LETM2: variants seen among roughly 807,000 people sequenced by gnomAD.
LETM2 encodes the protein leucine zipper and EF-hand containing transmembrane protein 2.
Under a neutral mutation model 59.6 loss-of-function variants are expected in LETM2, and 58 were observed. The ratio of observed to expected loss-of-function variants is 0.97; its 90% CI spans 0.79 to 1.21. The LOEUF (loss-of-function observed/expected upper bound fraction) is 1.21, where lower values mean the gene tolerates loss of function less well. Ranked by LOEUF, LETM2 falls within the 50% of genes most tolerant of loss-of-function variation. LETM2 has a pLI of 0.00. For synonymous variants in LETM2, 199 were observed against 214.1 expected, an observed-to-expected ratio of 0.93 and a Z score of 0.62; for missense variants, 572 against 575.7, an observed-to-expected ratio of 0.99 and a Z score of 0.07.
chr8:38,406,772 T>C (rs1354478729), intron 8 of LETM2, 174 bp from the exon 9 acceptor site: 1 of 505,748 alleles, frequency 2.0e-6, no homozygotes, highest in Non-Finnish European at 3.5e-6. Context: ...TAATACTAAG[T>C]TGCTACATCA....
intron 4 of LETM2, among the ~76,000 whole-genome samples, chr8:38,397,815 A>T (rs1253775145): frequency 6.6e-6 from 1 of 152,176 alleles, no homozygotes; most frequent in Non-Finnish European, 1.5e-5. Context: ...GAGAGATGAC[A>T]GAGAATACAT....
intron 2 of LETM2, 27 bp downstream of exon 2, chr8:38,388,057 T>G: frequency 7.0e-7 from 1 of 1,432,684 alleles, no homozygotes; most frequent in Non-Finnish European, 9.4e-7. Context: ...CCCCCCAATA[T>G]GAACGTAATT....
chr8:38,400,328 A>C lies in LETM2; in HGVS notation c.702A>C (p.Gln234His). 1 of 1,613,702 alleles carries C rather than the reference A, an allele frequency of 6.2e-7. No homozygotes were observed. The change falls in exon 5 of 11, where the codon CAA becomes CAC. Residue 234 changes from glutamine (Q) to histidine (H), a missense_variant. Transcript: ENST00000379957. ...AVKLELAKFL[Q>H]ETMTEMARRN... The stretch of plus-strand genomic sequence containing the variant: ...AGTTGGAACTAGCAAAATTTCTTCA[A>C]GAAACCATGACAGAAATGGCAAGGA...
chr8:38,389,420 GTTGGCCAGGCTGATC>G (rs1812034119), intron 2 of LETM2, among the ~76,000 whole-genome samples: 1 of 151,642 alleles, frequency 6.6e-6, no homozygotes, highest in South Asian at 2.1e-4. Flanking sequence ...GTTTCTCCAT[GTTGGCCAGGCTGATC>G]TTGAACTCCT....
chr8:38,399,345 G>A (rs1043904137), intron 4 of LETM2, among the ~76,000 whole-genome samples: 2 of 152,136 alleles, frequency 1.3e-5, no homozygotes, highest in African/African-American at 4.8e-5. Context: ...AATTACTTAT[G>A]TCTGTTTTCT....
rs2293972 is a variant in LETM2 at position 38,408,677 on chromosome 8, C to T, written c.*403C>T. 118 of 163,528 alleles carry T rather than the reference C, an allele frequency of 7.2e-4. No individual in the cohort carries two copies. The East Asian group carries it at 0.018, about 24-fold the overall frequency. The allele number at this position is 163,528 out of a possible 1,614,324, so 10.1% of individuals were successfully genotyped here. ...AGTAAGAACTTGGAAGTTCCAAAAACCATTTTAGGAGCACCTGATTAACTT... is the reference window on the plus strand; with the variant it reads ...AGTAAGAACTTGGAAGTTCCAAAAATCATTTTAGGAGCACCTGATTAACTT... On this transcript the variant is annotated 3_prime_UTR_variant, in exon 11 of 11. Coordinates refer to ENST00000379957, the MANE Select transcript of LETM2 (RefSeq NM_001286819.2).
chr8:38,399,877 T>TCACA (rs1813032728), intron 4 of LETM2, among the ~76,000 whole-genome samples: 1 of 148,424 alleles, frequency 6.7e-6, no homozygotes, highest in Non-Finnish European at 1.5e-5. Context: ...GTCTGGGAGG[T>TCACA]GGAGGTTGCG....
rs1813995026 is a variant in LETM2, at chr8:38,409,286, A to G, written c.*1012A>G. The stretch of plus-strand genomic sequence containing the variant: ...TGCTGTGGTTAGACAGCAGTCAGTT[A>G]AAACAAGTAAAACTCCACTGTCCTG... On this transcript the variant is annotated 3_prime_UTR_variant, in exon 11 of 11. Coordinates refer to ENST00000379957, the MANE Select transcript of LETM2 (RefSeq NM_001286819.2). 1 of 152,248 alleles carries G rather than the reference A, an allele frequency of 6.6e-6. No individual in the cohort carries two copies. The highest frequency in any genetic ancestry group is 2.4e-5 in the African/African-American group (1 of 41,454). The allele number at this position is 152,248 out of a possible 1,614,324, so 9.4% of individuals were successfully genotyped here. A position where few individuals can be genotyped will look rare whatever the true frequency, so the allele number is the denominator to read the frequency against.
At chr8:38,396,325 A>G (rs891299338) in intron 4 of LETM2, among the ~76,000 whole-genome samples, 4 of 151,754 alleles carry the variant, frequency 2.6e-5, no homozygotes, top group African/African-American at 9.7e-5. Context: ...CACTACACCC[A>G]GCTAATTTTT....
At chr8:38,387,590 C>T (rs1359324400) in intron 1 of LETM2, among the ~76,000 whole-genome samples, 1 of 152,120 alleles carries the variant, frequency 6.6e-6, no homozygotes, top group Admixed American at 6.6e-5. Flanking sequence ...TATTCACTTT[C>T]TACCTATATT....
chr8:38,391,181 CAAAA>C, intron 2 of LETM2, among the ~76,000 whole-genome samples: 1 of 52,010 alleles, frequency 1.9e-5, no homozygotes. Context: ...CCTCCTGTCT[CAAAA>C]AAAAAAAAAA....
intron 2 of LETM2, 94 bp downstream of exon 2, chr8:38,388,124 A>G (rs987104715): frequency 7.1e-6 from 6 of 850,988 alleles, no homozygotes; most frequent in Non-Finnish European, 1.1e-5. Flanking sequence ...TCTGTCGCCC[A>G]GGCTGGAGTT....
intron 4 of LETM2, 108 bp from the exon 5 acceptor site, chr8:38,400,164 A>T: frequency 1.3e-6 from 1 of 778,478 alleles, no homozygotes; most frequent in Non-Finnish European, 2.0e-6. Flanking sequence ...ACGTTATTAC[A>T]TGATGTAGGG....
chr8:38,388,773 T>C (rs1253081299), intron 2 of LETM2, among the ~76,000 whole-genome samples: 1 of 151,894 alleles, frequency 6.6e-6, no homozygotes, highest in African/African-American at 2.4e-5. Context: ...TGTTTTTGTT[T>C]TCTTTTTTGG....
rs546682302 is a variant in LETM2 at position 38,388,043 on chromosome 8, G to A, written c.47+13G>A. 1.6e-5 allele frequency: 24 copies of A among 1,474,094 alleles called. No individual in the cohort carries two copies. The African/African-American group carries it at 3.2e-4, about 20-fold the overall frequency. The allele number at this position is 1,474,094 out of a possible 1,614,324, so 91.3% of individuals were successfully genotyped here. ...TTGCTCGAACAAGGTAAGCATTGGA[G>A]TTACCCCCCAATATGAACGTAATTC... On this transcript the variant is annotated intron_variant, in intron 2 of 10. Coordinates refer to ENST00000379957, the MANE Select transcript of LETM2 (RefSeq NM_001286819.2).
At chr8:38,408,151 C>A in intron 10 of LETM2, 61 bp from the exon 11 acceptor site, 1 of 1,268,562 alleles carries the variant, frequency 7.9e-7, no homozygotes, top group South Asian at 1.3e-5. Flanking sequence ...AAATAGCATT[C>A]ACTCCTTAAG....
intron 7 of LETM2, 57 bp from the exon 8 acceptor site, chr8:38,404,336 G>C: frequency 8.1e-7 from 1 of 1,231,058 alleles, no homozygotes; most frequent in East Asian, 2.3e-5. Context: ...GATGACCGCG[G>C]ATCACTCTGG....
intron 8 of LETM2, among the ~76,000 whole-genome samples, chr8:38,405,887 G>T (rs995950783): frequency 6.6e-6 from 1 of 152,152 alleles, no homozygotes; most frequent in South Asian, 2.1e-4. Flanking sequence ...ACGGAATTAA[G>T]GACAAAATGA....
chr8:38,385,634 G>A (rs1203436117), upstream of LETM2, among the ~76,000 whole-genome samples: 1 of 152,164 alleles, frequency 6.6e-6, no homozygotes, highest in Non-Finnish European at 1.5e-5. Flanking sequence ...CTGACCTTGT[G>A]ATCCGCCCGC....
Sources: gnomAD v4.1 joint callset for allele counts (sites outside exome capture counted in the v4.1 genomes callset) on GRCh38, gnomAD v4.1.1 for gene constraint, MANE v1.5 for transcripts, NCBI Gene and HGNC (gene_info 2026-07-23, HGNC 2026-07-21) for gene names.